Variants in FHIT observed in about 807,000 individuals in gnomAD.
FHIT encodes bis(5'-adenosyl)-triphosphatase.
A neutral mutation model predicts 17.9 loss-of-function variants in FHIT; 19 were observed. The observed-to-expected ratio is 1.06, with a 90% CI of 0.74 to 1.56. FHIT has a LOEUF of 1.56. FHIT is among the 40% of genes most tolerant of loss of function. The pLI is 0.00. For missense variants in FHIT, 248 were observed against 189.2 expected (o/e 1.31, Z -1.82); for synonymous variants, 81 against 69.7 (o/e 1.16, Z -0.81).
intron 5 of FHIT, among the ~76,000 whole-genome samples, chr3:60,106,517 G>A (rs776540618): frequency 1.6e-4 from 24 of 152,172 alleles, no homozygotes; most frequent in Non-Finnish European, 3.5e-4. Context: ...AAATGTGTTC[G>A]TTCCTACTGA....
At chr3:60,915,222 G>C (rs1251582044) in intron 3 of FHIT, among the ~76,000 whole-genome samples, 2 of 151,942 alleles carry the variant, frequency 1.3e-5, no homozygotes, top group Admixed American at 6.6e-5. Context: ...TTTCTGAATA[G>C]TACCATACAT....
rs1462710178 is a variant in FHIT, at chr3:60,011,395, G to C, written c.255C>G (p.Gly85=). The C allele has an allele frequency of 2.5e-6, 4 of 1,613,452 alleles. No individual in the cohort carries two copies. The highest frequency in any genetic ancestry group is 3.4e-6 in the Non-Finnish European group (4 of 1,179,504). Residue 85 remains glycine, a synonymous_variant, in exon 7 of 10, where the codon GGC becomes GGG. Transcript: ENST00000492590. ...CCTTCACAGTCTGTCCGGCTTCGGG[G>C]CCATCCTAGAAGTAGGAAAAAACCA... ...GTSLTFSMQD[G]PEAGQTVKHV...
intron 2 of FHIT, among the ~76,000 whole-genome samples, chr3:61,176,447 A>C (rs952733372): frequency 2.6e-5 from 4 of 152,176 alleles, no homozygotes; most frequent in Admixed American, 1.3e-4. Context: ...TCTTCTTTTT[A>C]TTGTTACATT....
intron 5 of FHIT, among the ~76,000 whole-genome samples, chr3:60,143,369 C>T (rs985029989): frequency 2.0e-5 from 3 of 152,114 alleles, no homozygotes; most frequent in Non-Finnish European, 4.4e-5. Context: ...AGTTCTCACC[C>T]TCTGCCTTAA....
chr3:60,356,765 A>C (rs1201247417), intron 5 of FHIT, among the ~76,000 whole-genome samples: 10 of 142,358 alleles, frequency 7.0e-5, no homozygotes, highest in Non-Finnish European at 8.9e-5. Context: ...AAAAAAAAAA[A>C]AAAAAAAAAA....
intron 8 of FHIT, among the ~76,000 whole-genome samples, chr3:59,785,428 A>G (rs971194508): frequency 2.0e-5 from 3 of 151,572 alleles, no homozygotes; most frequent in African/African-American, 7.3e-5. Flanking sequence ...TCCTGCCTCA[A>G]CCTCCCGAGT....
chr3:60,453,998 A>T (rs191850371), intron 5 of FHIT, among the ~76,000 whole-genome samples: 1 of 152,230 alleles, frequency 6.6e-6, no homozygotes, highest in Non-Finnish European at 1.5e-5. Flanking sequence ...TGTTCAAGAG[A>T]AGATGCCATG....
intron 2 of FHIT, among the ~76,000 whole-genome samples, chr3:61,131,816 G>A (rs956397691): frequency 5.3e-5 from 8 of 152,198 alleles, no homozygotes; most frequent in African/African-American, 9.6e-5. Context: ...CTGGATAAGA[G>A]CTTTACACAT....
chr3:60,418,366 C>G (rs113718902), intron 5 of FHIT, among the ~76,000 whole-genome samples: 26,587 of 94,348 alleles, frequency 0.28, 3,884 homozygotes, highest in Non-Finnish European at 0.34. Flanking sequence ...ATATATGTAT[C>G]TGAATGTGTG....
At chr3:60,542,913 T>G (rs929623422) in intron 4 of FHIT, among the ~76,000 whole-genome samples, 4 of 152,216 alleles carry the variant, frequency 2.6e-5, no homozygotes, top group African/African-American at 9.6e-5. Context: ...TTATTCCACT[T>G]GGAACTTTGT....
chr3:60,736,453 T>C (rs1295981896), intron 4 of FHIT, among the ~76,000 whole-genome samples: 2 of 152,212 alleles, frequency 1.3e-5, no homozygotes, highest in Non-Finnish European at 2.9e-5. Context: ...ATGGGCATTA[T>C]TTGGCAATAA....
intron 4 of FHIT, among the ~76,000 whole-genome samples, chr3:60,651,469 G>C (rs782620033): frequency 6.6e-6 from 1 of 151,334 alleles, no homozygotes; most frequent in African/African-American, 2.4e-5. Flanking sequence ...GCCATCCTTT[G>C]GCAGATCTAC....
intron 5 of FHIT, among the ~76,000 whole-genome samples, chr3:60,256,774 CA>C (rs1251770166): frequency 3.5e-4 from 53 of 152,154 alleles, no homozygotes; most frequent in African/African-American, 1.3e-3. Flanking sequence ...TGGTCAGGTG[CA>C]ATAGTCTCCT....
chr3:60,471,861 G>A (rs1188344460), intron 5 of FHIT, among the ~76,000 whole-genome samples: 3 of 151,892 alleles, frequency 2.0e-5, no homozygotes, highest in African/African-American at 7.3e-5. Flanking sequence ...CGCTAAGCAT[G>A]GCCATGGAAT....
intron 8 of FHIT, among the ~76,000 whole-genome samples, chr3:59,910,160 T>C (rs570864124): frequency 1.1e-4 from 16 of 152,268 alleles, no homozygotes; most frequent in Admixed American, 3.3e-4. Context: ...TAGGGAGACA[T>C]GAGGCATCAA....
chr3:60,584,327 G>T (rs1296574308), intron 4 of FHIT, among the ~76,000 whole-genome samples: 2 of 151,842 alleles, frequency 1.3e-5, no homozygotes, highest in Admixed American at 1.3e-4. Context: ...TTAAACATTG[G>T]CCAGCATACC....
At chr3:60,148,115 C>G (rs1395895625) in intron 5 of FHIT, among the ~76,000 whole-genome samples, 2 of 152,062 alleles carry the variant, frequency 1.3e-5, no homozygotes, top group African/African-American at 4.8e-5. Flanking sequence ...ATTTACTGCC[C>G]ATGAAGAGAT....
chr3:59,759,333 A>G (rs1701383881), intron 8 of FHIT, among the ~76,000 whole-genome samples: 1 of 152,158 alleles, frequency 6.6e-6, no homozygotes, highest in Non-Finnish European at 1.5e-5. Flanking sequence ...AATGTCCTGG[A>G]AGGATAATGA....
chr3:60,354,183 T>C (rs1699546430), intron 5 of FHIT, among the ~76,000 whole-genome samples: 1 of 152,086 alleles, frequency 6.6e-6, no homozygotes, highest in Non-Finnish European at 1.5e-5. Context: ...ACCAAAATTG[T>C]TTAAAATACA....
Sources: gnomAD v4.1 joint callset for allele counts (sites outside exome capture counted in the v4.1 genomes callset) on GRCh38, gnomAD v4.1.1 for gene constraint, MANE v1.5 for transcripts, NCBI Gene and HGNC (gene_info 2026-07-23, HGNC 2026-07-21) for gene names.